The following SLC18A2 variants were observed in gnomAD, a reference collection of about 807,000 sequenced individuals.
SLC18A2 encodes solute carrier family 18 member A2, also known as synaptic vesicular amine transporter.
A neutral mutation model predicts 59.2 loss-of-function variants in SLC18A2; 33 were observed. The ratio of observed to expected loss-of-function variants is 0.56; its 90% CI spans 0.42 to 0.75. SLC18A2 has a LOEUF of 0.75. Among genes scored for constraint, SLC18A2 ranks in the 30% least tolerant of loss-of-function variants. SLC18A2 has a pLI of 0.00. For synonymous variants in SLC18A2, 228 were observed against 253.5 expected, an observed-to-expected ratio of 0.90 and a Z score of 0.95; for missense variants, 569 against 668.6, an observed-to-expected ratio of 0.85 and a Z score of 1.64.
At chr10:117,262,530 CT>C (rs1565006617) in intron 10 of SLC18A2, among the ~76,000 whole-genome samples, 2 of 151,908 alleles carry the variant, frequency 1.3e-5, no homozygotes, top group Admixed American at 1.3e-4. Context: ...TGTTTCCCAG[CT>C]TTTCTTCCCT....
chr10:117,255,560 A>C (rs775601851), intron 8 of SLC18A2, 37 bp from the exon 9 acceptor site: 14 of 1,614,096 alleles, frequency 8.7e-6, no homozygotes, highest in Non-Finnish European at 1.2e-5. Context: ...GGGAGGGGGC[A>C]TGGTGCTGCT....
Position 117,279,235 on chromosome 10 carries a change from A to C in SLC18A2, c.*1969A>C, listed in dbSNP as rs41284386. The C allele has an allele frequency of 6.6e-6, 1 of 152,320 alleles. No individual in the cohort carries two copies. The highest frequency in any genetic ancestry group is 1.5e-5 in the Non-Finnish European group (1 of 68,014). The allele number at this position is 152,320 out of a possible 1,614,324, so 9.4% of individuals were successfully genotyped here. ...CAAGACTGGAAAGAGGTGTTTTTTT[A>C]AAATGTACATACCAGAACAAAGAAC... On this transcript the variant is annotated 3_prime_UTR_variant, in exon 16 of 16. Transcript: ENST00000644641.
At chr10:117,264,477 C>G (rs1479041353) in intron 10 of SLC18A2, among the ~76,000 whole-genome samples, 1 of 152,162 alleles carries the variant, frequency 6.6e-6, no homozygotes, top group Non-Finnish European at 1.5e-5. Flanking sequence ...GACATTCTGC[C>G]TCTATTGAGA....
At chr10:117,254,221 G>C (rs575894658) in intron 5 of SLC18A2, 90 bp downstream of exon 5, 1 of 1,369,388 alleles carries the variant, frequency 7.3e-7, no homozygotes, top group Non-Finnish European at 1.0e-6. Context: ...GGTGGTGGTT[G>C]GGGTGCTGGG....
At chr10:117,242,192 G>A (rs1373300757) in intron 2 of SLC18A2, among the ~76,000 whole-genome samples, 1 of 152,192 alleles carries the variant, frequency 6.6e-6, no homozygotes, top group African/African-American at 2.4e-5. Flanking sequence ...GAAAAGGCAG[G>A]TTAGTAATTT....
intron 6 of SLC18A2, among the ~76,000 whole-genome samples, chr10:117,254,766 A>G (rs1844208461): frequency 6.6e-6 from 1 of 152,232 alleles, no homozygotes; most frequent in African/African-American, 2.4e-5. Context: ...ATGGTCTGCC[A>G]GACCCTTTCC....
In SLC18A2 at chr10:117,270,175, A is replaced by T. The variant is rs781684909; in HGVS notation, c.1291A>T (p.Met431Leu). Residue 431 changes from methionine (M) to leucine (L), a missense_variant, in exon 14 of 16, where the codon ATG becomes TTG. By Grantham distance (15) the Met-to-Leu change is conservative (BLOSUM62 2). This residue lies in a region of SLC18A2 where 192 missense variants were observed against 278.8 expected (regional missense o/e 0.69). Transcript: ENST00000644641. ...VYAIADVAFC[M>L]GYAIGPSAGG... ...CGCCATTGCGGATGTGGCATTTTGT[A>T]TGGGGTATGCTATAGGTAAGGACAT... is the stretch of plus-strand genomic sequence containing the variant. 6.2e-7 allele frequency: 1 copy of T among 1,614,108 alleles called. No homozygotes were observed. The highest frequency in any genetic ancestry group is 8.5e-7 in the Non-Finnish European group (1 of 1,180,040).
intron 15 of SLC18A2, among the ~76,000 whole-genome samples, chr10:117,272,269 G>T (rs1844436518): frequency 6.6e-6 from 1 of 152,118 alleles, no homozygotes. Context: ...AGCAATACCT[G>T]AATTTTCTCC....
chr10:117,255,301 T>C lies in SLC18A2; in HGVS notation c.725T>C (p.Leu242Pro). The part of the protein sequence containing the change: ...VLVGPPFGSV[L>P]YEFVGKTAPF... ...GTGGGCCCCCCCTTCGGGAGTGTGC[T>C]CTATGAGTTTGTGGGGAAGACGGCT... The change falls in exon 7 of 16, where the codon CTC becomes CCC. Residue 242 changes from leucine (L) to proline (P), a missense_variant. Leu to Pro is a moderately conservative substitution (Grantham distance 98). Coordinates refer to ENST00000644641, the MANE Select transcript of SLC18A2 (RefSeq NM_003054.6). 4 of 1,614,186 alleles carry C rather than the reference T, an allele frequency of 2.5e-6. No individual in the cohort carries two copies. Among genetic ancestry groups the C allele is most frequent in the Non-Finnish European group, 3.4e-6 (4 of 1,180,020 alleles).
chr10:117,262,588 C>T (rs1844305869), intron 10 of SLC18A2, among the ~76,000 whole-genome samples: 1 of 151,946 alleles, frequency 6.6e-6, no homozygotes, highest in Non-Finnish European at 1.5e-5. Flanking sequence ...CAGGAGGCGC[C>T]CGCTGTCCAA....
chr10:117,257,808 T>A lies in SLC18A2; in HGVS notation c.907T>A (p.Phe303Ile), dbSNP rs1844247157. 1 of 1,607,664 alleles carries A rather than the reference T, an allele frequency of 6.2e-7. No homozygotes were observed. Among genetic ancestry groups the A allele is most frequent in the Non-Finnish European group, 8.5e-7 (1 of 1,176,850 alleles). Residue 303 changes from phenylalanine (F) to isoleucine (I), a missense_variant, in exon 10 of 16, where the codon TTT becomes ATT. This residue lies in a region of SLC18A2 where 192 missense variants were observed against 278.8 expected (regional missense o/e 0.69). Coordinates refer to ENST00000644641, the MANE Select transcript of SLC18A2 (RefSeq NM_003054.6). ...TTCCTCCCTTACAGGCTCCATCTGC[T>A]TTGCAAACATGGGCATCGCCATGCT... is the stretch of plus-strand genomic sequence containing the variant. ...YILIAAGSIC[F>I]ANMGIAMLEP...
rs375428772 is a variant in SLC18A2, at chr10:117,244,091, A to G, written c.242A>G (p.Tyr81Cys). Residue 81 changes from tyrosine to cysteine, a missense_variant, in exon 3 of 16, where the codon TAT becomes TGT. Tyr to Cys is a radical substitution (Grantham distance 194, BLOSUM62 -2). This residue lies in a region of SLC18A2 where 377 missense variants were observed against 389.8 expected (regional missense o/e 0.97). Transcript: ENST00000644641. ...GACAGCTTCCAGAGCATCTTCTCCT[A>G]TTATGATAACTCGACTATGGTCACC... ...ISDSFQSIFS[Y>C]YDNSTMVTGN... is the part of the protein sequence containing the mutation. 1 of 1,614,084 alleles carries G rather than the reference A, an allele frequency of 6.2e-7. No homozygotes were observed. Among genetic ancestry groups the G allele is most frequent in the African/African-American group, 1.3e-5 (1 of 74,928 alleles).
chr10:117,255,220 A>C (rs1283338892), intron 6 of SLC18A2, 57 bp from the exon 7 acceptor site: 3 of 1,458,950 alleles, frequency 2.1e-6, no homozygotes, highest in Non-Finnish European at 2.9e-6. Context: ...AGATGGTTCT[A>C]GTACAGGGAG....
intron 15 of SLC18A2, among the ~76,000 whole-genome samples, chr10:117,276,636 A>G (rs1844496136): frequency 7.0e-6 from 1 of 143,328 alleles, no homozygotes; most frequent in South Asian, 2.3e-4. Flanking sequence ...AAAAAAAAGA[A>G]AGAAAGAAAG....
chr10:117,249,068 AT>A (rs1354368283), intron 3 of SLC18A2, among the ~76,000 whole-genome samples: 2 of 152,140 alleles, frequency 1.3e-5, no homozygotes, highest in Non-Finnish European at 2.9e-5. Context: ...GTTTTATTTT[AT>A]TTTTTTGCTA....
chr10:117,254,715 A>G (rs142156778), intron 6 of SLC18A2, among the ~76,000 whole-genome samples: 1 of 152,236 alleles, frequency 6.6e-6, no homozygotes, highest in East Asian at 1.9e-4. Context: ...CTCTGCCCCA[A>G]ACCTCCCTGG....
At chr10:117,241,521 G>C in intron 1 of SLC18A2, 158 bp from the exon 2 acceptor site, 1 of 763,390 alleles carries the variant, frequency 1.3e-6, no homozygotes. Context: ...GCTCTCGTGG[G>C]GACGCGCTCG....
chr10:117,264,063 G>A (rs1455592866), intron 10 of SLC18A2, among the ~76,000 whole-genome samples: 1 of 152,212 alleles, frequency 6.6e-6, no homozygotes, highest in African/African-American at 2.4e-5. Flanking sequence ...TGCTTCCGGG[G>A]CTGGATGGCC....
chr10:117,263,081 C>T (rs2133739452), intron 10 of SLC18A2, among the ~76,000 whole-genome samples: 1 of 152,338 alleles, frequency 6.6e-6, no homozygotes, highest in East Asian at 1.9e-4. Context: ...CACATTTCCA[C>T]CACCGAGGTT....
Sources: gnomAD v4.1 joint callset for allele counts (sites outside exome capture counted in the v4.1 genomes callset) on GRCh38, gnomAD v4.1.1 for gene constraint, gnomAD v4.1.1 regional missense constraint, MANE v1.5 for transcripts, NCBI Gene and HGNC (gene_info 2026-07-23, HGNC 2026-07-21) for gene names.